DPYD: variants seen among roughly 807,000 people sequenced by gnomAD.
The protein encoded by DPYD is dihydropyrimidine dehydrogenase [NADP(+)].
A neutral mutation model predicts 116.2 loss-of-function variants in DPYD; 109 were observed. The observed-to-expected ratio is 0.94, with a 90% CI of 0.80 to 1.10. The LOEUF is 1.10. DPYD is among the 50% of genes least tolerant of loss of function. The pLI is 0.00. For missense variants in DPYD, 1,302 were observed against 1,254.5 expected, an observed-to-expected ratio of 1.04 and a Z score of -0.57; for synonymous variants, 440 against 432.0, an observed-to-expected ratio of 1.02 and a Z score of -0.23.
At chr1:97,157,765 C>G (rs138802028) in intron 20 of DPYD, among the ~76,000 whole-genome samples, 272 of 152,138 alleles carry the variant, frequency 1.8e-3, no homozygotes, top group African/African-American at 6.3e-3. Flanking sequence ...TCAAGTTGTA[C>G]CGACATTCCC....
At position 97,863,512 on chromosome 1, in the gene DPYD, A is replaced by C. The variant is rs1292076118; in HGVS notation, c.150+19752T>G. Among the ~76,000 whole-genome samples the C allele has an allele frequency of 2.0e-5, 3 of 151,902 alleles. No homozygotes were observed. In the East Asian group the frequency reaches 5.8e-4, roughly 29 times the overall value. ...GCAATGGTAAAGACTCAGAAGTAGT[A>C]AATGTCCTTAGAAAAAGATGATTAA... On this transcript the variant is annotated intron_variant, in intron 2 of 22. Transcript: ENST00000370192.
chr1:97,279,247 A>T (rs1269937025), intron 18 of DPYD, among the ~76,000 whole-genome samples: 1 of 152,162 alleles, frequency 6.6e-6, no homozygotes, highest in Non-Finnish European at 1.5e-5. Context: ...CATATATGAG[A>T]AGTTTTGGAA....
chr1:97,827,474 A>T (rs2101477034), intron 3 of DPYD, among the ~76,000 whole-genome samples: 1 of 152,172 alleles, frequency 6.6e-6, no homozygotes, highest in South Asian at 2.1e-4. Context: ...CTTGATTCTG[A>T]TCAAATAGAT....
chr1:97,144,823 C>T (rs1166152560), intron 20 of DPYD, among the ~76,000 whole-genome samples: 3 of 152,136 alleles, frequency 2.0e-5, no homozygotes, highest in African/African-American at 7.2e-5. Context: ...TTATTCTTAG[C>T]TGATTTATTT....
chr1:97,398,085 A>G (rs1327684891), intron 14 of DPYD, among the ~76,000 whole-genome samples: 1 of 151,902 alleles, frequency 6.6e-6, no homozygotes, highest in Non-Finnish European at 1.5e-5. Flanking sequence ...TCCTAATGCT[A>G]TTCCTCCCCA....
At chr1:97,287,576 C>T (rs1033636150) in intron 18 of DPYD, among the ~76,000 whole-genome samples, 3 of 152,186 alleles carry the variant, frequency 2.0e-5, no homozygotes, top group African/African-American at 7.2e-5. Context: ...CTGTGGTGGG[C>T]TCCACCCAGT....
At chr1:97,732,224 C>G (rs1407682551) in intron 4 of DPYD, among the ~76,000 whole-genome samples, 4 of 152,032 alleles carry the variant, frequency 2.6e-5, no homozygotes, top group African/African-American at 9.7e-5. Flanking sequence ...GAGCTGTAAT[C>G]CCAGCACTTT....
At chr1:97,589,111 A>C (rs1227048111) in intron 10 of DPYD, among the ~76,000 whole-genome samples, 5 of 152,348 alleles carry the variant, frequency 3.3e-5, no homozygotes, top group African/African-American at 1.2e-4. Flanking sequence ...AATGCACCCT[A>C]AAGTTTGAAA....
At chr1:97,619,411 A>G (rs1305026671) in intron 8 of DPYD, among the ~76,000 whole-genome samples, 1 of 152,188 alleles carries the variant, frequency 6.6e-6, no homozygotes, top group East Asian at 1.9e-4. Flanking sequence ...GCATGTAGTA[A>G]TATATAGAGA....
At chr1:97,655,259 T>C (rs1163875078) in intron 8 of DPYD, among the ~76,000 whole-genome samples, 1 of 152,230 alleles carries the variant, frequency 6.6e-6, no homozygotes, top group Non-Finnish European at 1.5e-5. Flanking sequence ...CAAAATCCTC[T>C]GGGATCCCAC....
At chr1:97,457,189 CG>C (rs762876572) in intron 13 of DPYD, among the ~76,000 whole-genome samples, 10 of 142,890 alleles carry the variant, frequency 7.0e-5, no homozygotes, top group Non-Finnish European at 1.1e-4. Context: ...GCTTAAAAGA[CG>C]GGAATAATAA....
At chr1:97,818,176 T>C (rs1668732464) in intron 3 of DPYD, among the ~76,000 whole-genome samples, 1 of 152,050 alleles carries the variant, frequency 6.6e-6, no homozygotes, top group South Asian at 2.1e-4. Flanking sequence ...ATTTCTTTTC[T>C]GGTTTTATCT....
intron 1 of DPYD, among the ~76,000 whole-genome samples, chr1:97,916,273 G>A (rs1462160559): frequency 6.6e-6 from 1 of 152,068 alleles, no homozygotes; most frequent in African/African-American, 2.4e-5. Flanking sequence ...CCATGTTGGT[G>A]TGCTGCACCC....
intron 8 of DPYD, among the ~76,000 whole-genome samples, chr1:97,616,679 A>C (rs1421414233): frequency 1.3e-5 from 2 of 152,200 alleles, no homozygotes; most frequent in South Asian, 2.1e-4. Flanking sequence ...TAACACAAAA[A>C]ATAGAGACCT....
chr1:97,326,496 T>G (rs189935899), intron 16 of DPYD, among the ~76,000 whole-genome samples: 22 of 151,974 alleles, frequency 1.4e-4, no homozygotes, highest in Admixed American at 9.2e-4. Context: ...GGAAAAGGGC[T>G]TAAGCTTTGG....
chr1:97,851,710 GA>G (rs67006071), intron 2 of DPYD, among the ~76,000 whole-genome samples: 105,273 of 143,800 alleles, frequency 0.73, 38,185 homozygotes, highest in East Asian at 0.93. Context: ...CAGTAGCAAA[GA>G]AAAAAAAAAA....
intron 14 of DPYD, among the ~76,000 whole-genome samples, chr1:97,404,946 G>C (rs928066897): frequency 7.0e-6 from 1 of 143,692 alleles, no homozygotes; most frequent in Non-Finnish European, 1.5e-5. Flanking sequence ...CATATCACTT[G>C]TACTTTTTTT....
chr1:97,813,848 C>A (rs1390129894), intron 3 of DPYD, among the ~76,000 whole-genome samples: 1 of 151,772 alleles, frequency 6.6e-6, no homozygotes, highest in African/African-American at 2.4e-5. Context: ...ATGAAGCTTT[C>A]TCTAATATGT....
At chr1:97,504,379 A>T (rs1003953280) in intron 13 of DPYD, among the ~76,000 whole-genome samples, 2 of 152,008 alleles carry the variant, frequency 1.3e-5, no homozygotes, top group Non-Finnish European at 2.9e-5. Flanking sequence ...AGGAAATGTA[A>T]GATTTTCCTG....
Sources: allele counts gnomAD v4.1 joint callset (sites outside exome capture counted in the v4.1 genomes callset), GRCh38; gene constraint gnomAD v4.1.1; transcripts MANE v1.5; gene names NCBI Gene and HGNC (gene_info 2026-07-23, HGNC 2026-07-21).